The following RFPL1 variants were observed in gnomAD, a reference collection of about 807,000 sequenced individuals.
The protein encoded by RFPL1 is ret finger protein like 1.
In RFPL1, 6 loss-of-function variants were observed where a neutral mutation model predicts 9.6. The observed-to-expected ratio is 0.62, with a 90% CI of 0.34 to 1.23. The LOEUF is 1.23. Ranked by LOEUF, RFPL1 falls within the 50% of genes most tolerant of loss-of-function variation. The pLI, the probability that RFPL1 is intolerant of heterozygous loss-of-function variation, is 0.03. For synonymous variants in RFPL1, 145 were observed against 149.4 expected, an observed-to-expected ratio of 0.97 and a Z score of 0.22; for missense variants, 352 against 398.4, an observed-to-expected ratio of 0.88 and a Z score of 0.99.
chr22:29,440,511 T>C (rs1462806016), intron 1 of RFPL1: 2 of 152,236 alleles, frequency 1.3e-5, no homozygotes, highest in Non-Finnish European at 2.9e-5. Context: ...CATTAAATTA[T>C]TGACCTTTGT....
At chr22:29,436,127 A>T (rs532054119), upstream of RFPL1, among the ~76,000 whole-genome samples, 8 of 150,762 alleles carry the variant, frequency 5.3e-5, no homozygotes, top group South Asian at 2.1e-4. Context: ...GCTTTAGTGG[A>T]GGCTGGGAAG....
chr22:29,433,577 G>C, the RFPL1 span: 1 of 164,928 alleles, frequency 6.1e-6, no homozygotes, highest in Non-Finnish European at 1.3e-5. Flanking sequence ...TATAACCTGC[G>C]CTCGGCCCAC....
At chr22:29,425,734 C>T in the RFPL1 span, among the ~76,000 whole-genome samples, 4 of 151,684 alleles carry the variant, frequency 2.6e-5, no homozygotes, top group East Asian at 3.9e-4. Flanking sequence ...TGGGAGGCCG[C>T]GGTGGGTGGA....
At chr22:29,402,065 A>G in the RFPL1 span, among the ~76,000 whole-genome samples, 1 of 152,186 alleles carries the variant, frequency 6.6e-6, no homozygotes, top group Non-Finnish European at 1.5e-5. Context: ...ATACTAATCT[A>G]CAAGGTCACT....
chr22:29,395,769 T>A, the RFPL1 span, among the ~76,000 whole-genome samples: 1 of 152,030 alleles, frequency 6.6e-6, no homozygotes, highest in South Asian at 2.1e-4. Flanking sequence ...GGTCAGGAGT[T>A]CCAGACCAGC....
At chr22:29,430,276 AT>A in the RFPL1 span, among the ~76,000 whole-genome samples, 1 of 152,160 alleles carries the variant, frequency 6.6e-6, no homozygotes, top group Admixed American at 6.6e-5. Context: ...CAATCACCCC[AT>A]CTCAGCCTCT....
chr22:29,410,361 GAT>G, the RFPL1 span, among the ~76,000 whole-genome samples: 2 of 86,982 alleles, frequency 2.3e-5, no homozygotes, highest in Admixed American at 2.8e-4. Flanking sequence ...TATATATGTA[GAT>G]ATATATATCT....
At chr22:29,415,497 C>A in the RFPL1 span, among the ~76,000 whole-genome samples, 1 of 152,232 alleles carries the variant, frequency 6.6e-6, no homozygotes, top group Non-Finnish European at 1.5e-5. Flanking sequence ...GCTCAGGAAC[C>A]GCGTAGCTCA....
chr22:29,429,304 C>G, the RFPL1 span, among the ~76,000 whole-genome samples: 2 of 152,170 alleles, frequency 1.3e-5, no homozygotes, highest in Non-Finnish European at 2.9e-5. Flanking sequence ...ATCCTCCTAC[C>G]TCAGCCTCCC....
At chr22:29,392,763 C>A in the RFPL1 span, among the ~76,000 whole-genome samples, 2 of 152,130 alleles carry the variant, frequency 1.3e-5, no homozygotes, top group Non-Finnish European at 2.9e-5. Context: ...TGCAGAAAAT[C>A]TCATTTGCTC....
At chr22:29,441,434 G>A in intron 1 of RFPL1, 108 bp from the exon 2 acceptor site, 1 of 1,325,796 alleles carries the variant, frequency 7.5e-7, no homozygotes, top group Non-Finnish European at 1.0e-6. Context: ...GGGGGAAGAA[G>A]AGAATTAAAG....
exon 2 of RFPL1, chr22:29,441,642 C>A: frequency 6.2e-7 from 1 of 1,613,942 alleles, no homozygotes; most frequent in Non-Finnish European, 8.5e-7. Context: ...ATCGGCAAGA[C>A]CTTGCCGAGA....
the RFPL1 span, among the ~76,000 whole-genome samples, chr22:29,411,962 C>T: frequency 2.4e-3 from 362 of 152,276 alleles, 2 homozygotes; most frequent in African/African-American, 8.5e-3. Flanking sequence ...GTGATCCCCC[C>T]ACCTCAGTTG....
the RFPL1 span, among the ~76,000 whole-genome samples, chr22:29,390,385 A>C: frequency 2.0e-5 from 3 of 152,108 alleles, no homozygotes; most frequent in African/African-American, 7.2e-5. Context: ...AAGCAGCCTC[A>C]AAGCCTTTAA....
chr22:29,392,378 CTTTTTTT>C, the RFPL1 span, among the ~76,000 whole-genome samples: 151 of 46,266 alleles, frequency 3.3e-3, no homozygotes, highest in Non-Finnish European at 3.9e-3. Context: ...CCACACCTGG[CTTTTTTT>C]TTTTTTTTTT....
the RFPL1 span, among the ~76,000 whole-genome samples, chr22:29,400,942 C>T: frequency 6.6e-6 from 1 of 152,234 alleles, no homozygotes; most frequent in Non-Finnish European, 1.5e-5. Flanking sequence ...GACACCACCT[C>T]CATTCCGATG....
chr22:29,389,171 G>C, the RFPL1 span, among the ~76,000 whole-genome samples: 1 of 152,082 alleles, frequency 6.6e-6, no homozygotes, highest in Non-Finnish European at 1.5e-5. Context: ...TTACAGAGGG[G>C]TCTCTCTCTG....
At chr22:29,441,754 G>A (rs2062840900) in exon 2 of RFPL1, 1 of 1,613,978 alleles carries the variant, frequency 6.2e-7, no homozygotes, top group Non-Finnish European at 8.5e-7. Context: ...GGACCTGGGA[G>A]TCTGCAGAGA....
chr22:29,406,606 C>A, the RFPL1 span, among the ~76,000 whole-genome samples: 49 of 152,344 alleles, frequency 3.2e-4, no homozygotes, highest in African/African-American at 1.1e-3. Flanking sequence ...GTGCAACAAA[C>A]CTTGCAAAAT....
Sources: gnomAD v4.1 joint callset for allele counts (sites outside exome capture counted in the v4.1 genomes callset) on GRCh38, gnomAD v4.1.1 for gene constraint, MANE v1.5 for transcripts, NCBI Gene and HGNC (gene_info 2026-07-23, HGNC 2026-07-21) for gene names.